Variants in KANK1 observed in about 807,000 individuals in gnomAD.
The protein encoded by KANK1 is KN motif and ankyrin repeat domains 1, also known as KN motif and ankyrin repeat domain-containing protein 1.
KANK1 carries 109 observed loss-of-function variants against 106.2 expected under a neutral mutation model. The ratio of observed to expected loss-of-function variants is 1.03; its 90% CI spans 0.88 to 1.20. The LOEUF (loss-of-function observed/expected upper bound fraction) is 1.20, where lower values mean the gene tolerates loss of function less well. Ranked by LOEUF, KANK1 falls within the 50% of genes most tolerant of loss-of-function variation. The pLI, the probability that KANK1 is intolerant of heterozygous loss-of-function variation, is 0.00. For missense variants in KANK1, 2,399 were observed against 1,710.7 expected (o/e 1.40, Z -7.10); for synonymous variants, 873 against 652.2 (o/e 1.34, Z -5.16).
At chr9:742,848 CA>C (rs1289996757) in intron 10 of KANK1, among the ~76,000 whole-genome samples, 1 of 152,208 alleles carries the variant, frequency 6.6e-6, no homozygotes, top group Non-Finnish European at 1.5e-5. Context: ...CCAAAGTGAA[CA>C]CACTGACCCA....
intron 3 of KANK1, among the ~76,000 whole-genome samples, chr9:723,295 G>T (rs1829833145): frequency 6.6e-6 from 1 of 152,184 alleles, no homozygotes; most frequent in Non-Finnish European, 1.5e-5. Flanking sequence ...ACAAAAGTAA[G>T]CTGTGGTGAG....
intron 1 of KANK1, among the ~76,000 whole-genome samples, chr9:505,532 C>T (rs749930050): frequency 4.6e-4 from 70 of 152,328 alleles, no homozygotes; most frequent in South Asian, 1.0e-3. Context: ...CTCGCGGCAG[C>T]CACGGCTCCT....
At chr9:535,979 C>G (rs1039897683) in intron 1 of KANK1, among the ~76,000 whole-genome samples, 1 of 152,178 alleles carries the variant, frequency 6.6e-6, no homozygotes, top group Non-Finnish European at 1.5e-5. Flanking sequence ...CAGCACCCCA[C>G]TTCCAGGTAC....
intron 1 of KANK1, among the ~76,000 whole-genome samples, chr9:673,130 TCAATACA>T (rs1467772599): frequency 6.7e-6 from 1 of 149,550 alleles, no homozygotes; most frequent in African/African-American, 2.5e-5. Context: ...CTGAGAAAAA[TCAATACA>T]CAATATACAA....
chr9:543,057 G>A (rs1008985210), intron 1 of KANK1, among the ~76,000 whole-genome samples: 1 of 151,980 alleles, frequency 6.6e-6, no homozygotes, highest in Admixed American at 6.6e-5. Flanking sequence ...GTGCGAGGTG[G>A]GTATGTTAAT....
intron 1 of KANK1, among the ~76,000 whole-genome samples, chr9:516,931 T>G (rs1360409496): frequency 6.6e-6 from 1 of 150,984 alleles, no homozygotes; most frequent in African/African-American, 2.5e-5. Context: ...TTTGTCCTAA[T>G]GAGGTTTGGC....
intron 1 of KANK1, among the ~76,000 whole-genome samples, chr9:559,595 CATA>C (rs1299575071): frequency 6.6e-6 from 1 of 152,150 alleles, no homozygotes; most frequent in African/African-American, 2.4e-5. Flanking sequence ...AATGTAAGTG[CATA>C]ATAATTTCTG....
chr9:645,554 T>A (rs563150530), intron 1 of KANK1, among the ~76,000 whole-genome samples: 9 of 150,210 alleles, frequency 6.0e-5, no homozygotes, highest in African/African-American at 2.2e-4. Context: ...TATAAAATTA[T>A]CAATTTTTAT....
At chr9:560,428 A>G (rs950321268) in intron 1 of KANK1, among the ~76,000 whole-genome samples, 2 of 152,198 alleles carry the variant, frequency 1.3e-5, no homozygotes, top group Non-Finnish European at 2.9e-5. Flanking sequence ...ATTAAGGAAG[A>G]GGAAAGTTTA....
chr9:519,477 A>G (rs935978644), intron 1 of KANK1, among the ~76,000 whole-genome samples: 2 of 151,778 alleles, frequency 1.3e-5, no homozygotes, highest in Non-Finnish European at 2.9e-5. Flanking sequence ...AAAGTTTGAG[A>G]GGTCTAGTGA....
At chr9:732,175 A>G (rs1832478921) in intron 5 of KANK1, 2 of 538,274 alleles carry the variant, frequency 3.7e-6, no homozygotes, top group African/African-American at 1.9e-5. Flanking sequence ...AATTGGTTAT[A>G]TGATACCGAT....
chr9:742,713 G>A (rs1291081856), intron 10 of KANK1, among the ~76,000 whole-genome samples: 1 of 152,206 alleles, frequency 6.6e-6, no homozygotes, highest in Non-Finnish European at 1.5e-5. Context: ...CAATGGATTT[G>A]CACTGCAGAA....
chr9:631,209 A>G (rs1472042455), intron 1 of KANK1, among the ~76,000 whole-genome samples: 1 of 152,102 alleles, frequency 6.6e-6, no homozygotes, highest in Non-Finnish European at 1.5e-5. Context: ...TGAGTTGAAA[A>G]TAGATTAAAT....
intron 1 of KANK1, among the ~76,000 whole-genome samples, chr9:636,472 C>T (rs910056518): frequency 2.6e-5 from 4 of 152,092 alleles, no homozygotes; most frequent in African/African-American, 9.7e-5. Context: ...GCATTCAGGA[C>T]AATATTAAAG....
intron 1 of KANK1, among the ~76,000 whole-genome samples, chr9:672,255 G>A (rs1331376105): frequency 1.3e-5 from 2 of 152,200 alleles, no homozygotes; most frequent in East Asian, 3.9e-4. Context: ...ATGGAGAGAA[G>A]GGGTAGTACT....
chr9:705,319 C>A (rs1823783364), intron 2 of KANK1, among the ~76,000 whole-genome samples: 1 of 152,086 alleles, frequency 6.6e-6, no homozygotes, highest in Admixed American at 6.5e-5. Flanking sequence ...AACCCCATCT[C>A]TACTAAAAAT....
intron 1 of KANK1, among the ~76,000 whole-genome samples, chr9:612,353 C>G (rs1189733799): frequency 6.6e-6 from 1 of 152,086 alleles, no homozygotes; most frequent in African/African-American, 2.4e-5. Context: ...TGCACTCTGA[C>G]TGGGTGTCAT....
At chr9:723,472 C>A (rs530716657) in intron 3 of KANK1, among the ~76,000 whole-genome samples, 2 of 151,278 alleles carry the variant, frequency 1.3e-5, no homozygotes, top group African/African-American at 4.9e-5. Flanking sequence ...AGTGCATTTT[C>A]GTGGGGCATG....
At chr9:627,320 T>G (rs974695684) in intron 1 of KANK1, among the ~76,000 whole-genome samples, 3 of 152,008 alleles carry the variant, frequency 2.0e-5, no homozygotes, top group Non-Finnish European at 1.5e-5. Flanking sequence ...GCTACCCAGG[T>G]TGGAAATAGA....
Sources: allele counts gnomAD v4.1 joint callset (sites outside exome capture counted in the v4.1 genomes callset), GRCh38; gene constraint gnomAD v4.1.1; transcripts MANE v1.5; gene names NCBI Gene and HGNC (gene_info 2026-07-23, HGNC 2026-07-21).